CCSER1: variants seen among roughly 807,000 people sequenced by gnomAD.
CCSER1 encodes coiled-coil serine rich protein 1.
CCSER1 carries 41 observed loss-of-function variants against 82.0 expected under a neutral mutation model. The observed-to-expected ratio is 0.50, with a 90% confidence interval of 0.39 to 0.65. The LOEUF (loss-of-function observed/expected upper bound fraction) is 0.65, where lower values mean the gene tolerates loss of function less well. CCSER1 is among the 30% of genes least tolerant of loss of function. The probability of loss-of-function intolerance (pLI) is 0.00; values close to 1 mark genes in which losing one functional copy is unlikely to be tolerated. For missense variants in CCSER1, 1,119 were observed against 1,064.2 expected, an observed-to-expected ratio of 1.05 and a Z score of -0.72; for synonymous variants, 414 against 383.9, an observed-to-expected ratio of 1.08 and a Z score of -0.92.
At chr4:90,454,899 T>C (rs1412119300) in intron 4 of CCSER1, among the ~76,000 whole-genome samples, 1 of 152,172 alleles carries the variant, frequency 6.6e-6, no homozygotes, top group African/African-American at 2.4e-5. Context: ...TTAATGAGAC[T>C]ATATTTGCCA....
At chr4:91,030,330 T>C (rs1037870989) in intron 9 of CCSER1, among the ~76,000 whole-genome samples, 2 of 152,160 alleles carry the variant, frequency 1.3e-5, no homozygotes, top group African/African-American at 4.8e-5. Flanking sequence ...CCATATTTAC[T>C]GTATTCAATA....
At chr4:91,423,922 C>A (rs933390430) in intron 10 of CCSER1, among the ~76,000 whole-genome samples, 6 of 143,344 alleles carry the variant, frequency 4.2e-5, no homozygotes, top group Non-Finnish European at 7.6e-5. Context: ...AGAAAGCCTG[C>A]AAAATAGCTG....
intron 10 of CCSER1, among the ~76,000 whole-genome samples, chr4:91,169,574 T>G (rs1161445581): frequency 3.3e-5 from 5 of 152,150 alleles, no homozygotes; most frequent in Admixed American, 6.6e-5. Context: ...TTAGTTGAGA[T>G]CACACCACTG....
intron 8 of CCSER1, among the ~76,000 whole-genome samples, chr4:90,904,669 G>A (rs1725185636): frequency 1.3e-5 from 2 of 152,016 alleles, no homozygotes; most frequent in Admixed American, 6.6e-5. Context: ...CAATAAGGGG[G>A]GGCCTGGTCA....
At chr4:91,465,946 C>G (rs912145796) in intron 10 of CCSER1, among the ~76,000 whole-genome samples, 2 of 152,168 alleles carry the variant, frequency 1.3e-5, no homozygotes, top group African/African-American at 4.8e-5. Context: ...TGGTACCATT[C>G]TTTCTGAAAC....
At chr4:90,459,854 G>A (rs1317408119) in intron 4 of CCSER1, among the ~76,000 whole-genome samples, 1 of 152,132 alleles carries the variant, frequency 6.6e-6, no homozygotes, top group Non-Finnish European at 1.5e-5. Context: ...TATATTTGAA[G>A]TGAAGGACAC....
chr4:90,493,134 C>T (rs548078457), intron 5 of CCSER1, among the ~76,000 whole-genome samples: 5 of 152,064 alleles, frequency 3.3e-5, no homozygotes, highest in African/African-American at 7.2e-5. Context: ...CTTCAGTAGC[C>T]GATTCCATCA....
intron 1 of CCSER1, 26 bp from the exon 2 acceptor site, chr4:90,308,218 G>A (rs538299515): frequency 7.0e-7 from 1 of 1,430,134 alleles, no homozygotes; most frequent in African/African-American, 1.5e-5. Flanking sequence ...CTATTGACTT[G>A]TTGTTTTTGT....
chr4:91,249,447 C>T (rs778890224), intron 10 of CCSER1, among the ~76,000 whole-genome samples: 2 of 152,050 alleles, frequency 1.3e-5, no homozygotes, highest in Admixed American at 6.6e-5. Context: ...GATTCACTTT[C>T]GATGACCATT....
chr4:91,207,998 C>A (rs2149079312), intron 10 of CCSER1, among the ~76,000 whole-genome samples: 1 of 152,036 alleles, frequency 6.6e-6, no homozygotes, highest in East Asian at 1.9e-4. Context: ...TTTGTATTTC[C>A]ATATGCTTGT....
intron 10 of CCSER1, among the ~76,000 whole-genome samples, chr4:91,286,973 T>C (rs1360004727): frequency 6.6e-6 from 1 of 151,850 alleles, no homozygotes; most frequent in East Asian, 1.9e-4. Context: ...AGCTGAATCA[T>C]TCATCAGATA....
At chr4:90,491,834 T>A (rs539547393) in intron 5 of CCSER1, among the ~76,000 whole-genome samples, 1 of 152,306 alleles carries the variant, frequency 6.6e-6, no homozygotes, top group East Asian at 1.9e-4. Flanking sequence ...GATTTGCATA[T>A]GTTGAACCAG....
intron 1 of CCSER1, among the ~76,000 whole-genome samples, chr4:90,270,129 A>G (rs1725982545): frequency 6.6e-6 from 1 of 152,070 alleles, no homozygotes; most frequent in African/African-American, 2.4e-5. Context: ...CAACTACTCC[A>G]AATATTATAG....
intron 10 of CCSER1, among the ~76,000 whole-genome samples, chr4:91,094,501 G>A (rs1724296199): frequency 6.6e-6 from 1 of 152,186 alleles, no homozygotes; most frequent in African/African-American, 2.4e-5. Context: ...CAGTTCGATA[G>A]TCCTTGGTCC....
At chr4:91,285,773 A>G (rs1437887667) in intron 10 of CCSER1, among the ~76,000 whole-genome samples, 1 of 151,878 alleles carries the variant, frequency 6.6e-6, no homozygotes. Context: ...GGATCTCTGC[A>G]TTACACATTA....
chr4:91,537,070 G>A (rs1578727272), intron 10 of CCSER1, among the ~76,000 whole-genome samples: 3 of 151,958 alleles, frequency 2.0e-5, no homozygotes, highest in East Asian at 3.9e-4. Context: ...GTTAATAATT[G>A]TAGCACTAAA....
intron 6 of CCSER1, among the ~76,000 whole-genome samples, chr4:90,687,138 G>A (rs1202949804): frequency 2.0e-5 from 3 of 152,078 alleles, no homozygotes; most frequent in Non-Finnish European, 4.4e-5. Flanking sequence ...AGGTATCTTA[G>A]AACAAGTATA....
intron 10 of CCSER1, among the ~76,000 whole-genome samples, chr4:91,441,197 T>A (rs927678979): frequency 1.3e-5 from 2 of 152,044 alleles, no homozygotes; most frequent in African/African-American, 4.8e-5. Context: ...ATATCCTTGA[T>A]GAACATTGAT....
Position 91,555,011 on chromosome 4 carries a change from C to T in CCSER1, c.2218-43561C>T, listed in dbSNP as rs189364161. On this transcript the variant is annotated intron_variant, in intron 10 of 10. Coordinates refer to ENST00000509176, the MANE Select transcript of CCSER1 (RefSeq NM_001145065.2). ...CAGAAGAATAAAATTGGACCCTTAT[C>T]TCATGCCATATGTAAAAATTGACTC... 1.4e-3 allele frequency among the ~76,000 whole-genome samples: 215 copies of T among 151,380 alleles called. 3 individuals carry two copies. Among genetic ancestry groups the T allele is most frequent in the African/African-American group, 4.5e-3 (186 of 41,310 alleles).
Sources: allele counts gnomAD v4.1 joint callset (sites outside exome capture counted in the v4.1 genomes callset), GRCh38; gene constraint gnomAD v4.1.1; transcripts MANE v1.5; gene names NCBI Gene and HGNC (gene_info 2026-07-23, HGNC 2026-07-21).